TCF20: variants seen among roughly 807,000 people sequenced by gnomAD.
TCF20 encodes the protein transcription factor 20, also known as SPRE-binding protein.
In TCF20, 3 loss-of-function variants were observed where a neutral mutation model predicts 148.6. That is an observed-to-expected ratio of 0.02 (90% CI 0.01 to 0.05). TCF20 has a LOEUF of 0.05. TCF20 is among the 10% of genes least tolerant of loss of function. The pLI is 1.00. For missense variants in TCF20, 2,350 were observed against 2,429.3 expected (o/e 0.97, Z 0.69); for synonymous variants, 1,049 against 909.5 (o/e 1.15, Z -2.76).
Position 42,214,870 on chromosome 22 carries a change from G to A in TCF20, c.436C>T (p.Leu146Phe), listed in dbSNP as rs752748771. The change falls in exon 2 of 6, where the codon CTT becomes TTT. Residue 146 changes from leucine (L) to phenylalanine (F), a missense_variant. By Grantham distance (22) the Leu-to-Phe change is conservative (BLOSUM62 0). Around this residue, in one of 7 missense-constraint regions of TCF20, gnomAD observed 1,641 missense variants for 1,662.6 expected, o/e 0.99. Coordinates refer to ENST00000677622, the MANE Select transcript of TCF20 (RefSeq NM_001378418.1). Reference protein sequence around the residue: ...VGQFQAQHSGLGGVSHYQQDY... With the variant: ...VGQFQAQHSGFGGVSHYQQDY... ...TGCTGATAATGTGACACACCGCCAA[G>A]GCCAGAGTGCTGTGCTTGAAACTGG... The A allele has an allele frequency of 6.2e-7, 1 of 1,614,188 alleles. No individual in the cohort carries two copies. The highest frequency in any genetic ancestry group is 2.2e-5 in the East Asian group (1 of 44,888).
chr22:42,180,422 G>GGA (rs936606313), intron 2 of TCF20, among the ~76,000 whole-genome samples: 2 of 152,116 alleles, frequency 1.3e-5, no homozygotes, highest in Non-Finnish European at 2.9e-5. Context: ...ATCTCTGTCA[G>GGA]CCCTGTGATG....
At chr22:42,200,031 G>T (rs190580688) in intron 2 of TCF20, among the ~76,000 whole-genome samples, 1 of 151,642 alleles carries the variant, frequency 6.6e-6, no homozygotes, top group East Asian at 1.9e-4. Flanking sequence ...TTTCAATTTG[G>T]ATTTAAAAAT....
rs149094217 is a variant in TCF20, at chr22:42,315,363, A to G, written c.-37+28116T>C. 1.8e-3 allele frequency among the ~76,000 whole-genome samples: 268 copies of G among 152,334 alleles called. 1 individual carries two copies. The highest frequency in any genetic ancestry group is 6.1e-3 in the African/African-American group (254 of 41,574). Reference sequence around the variant, plus strand: ...TGGCAGGTGGGCTGCAGGTGAGGACAGGCTCAGAGAGGAAGGACTCTCTGA... The same window carrying G: ...TGGCAGGTGGGCTGCAGGTGAGGACGGGCTCAGAGAGGAAGGACTCTCTGA... On this transcript the variant is annotated intron_variant, in intron 1 of 1. Coordinates refer to the TCF20 transcript ENST00000515426.
intron 2 of TCF20, among the ~76,000 whole-genome samples, chr22:42,202,259 C>T (rs563251495): frequency 4.6e-5 from 7 of 152,190 alleles, no homozygotes; most frequent in Non-Finnish European, 8.8e-5. Flanking sequence ...CATCTGAGGG[C>T]GGTCACCAGT....
Position 42,312,205 on chromosome 22 carries a change from AAGC to A in TCF20, c.-37+31271_-37+31273del, listed in dbSNP as rs553911795. ...TGCCATCATGGATGAGTGAATGAGTAAGCAGCTGTGGGGATTACAGCAGCAAGG... is the reference window on the plus strand; with the variant it reads ...TGCCATCATGGATGAGTGAATGAGTAAGCTGTGGGGATTACAGCAGCAAGG... On this transcript the variant is annotated intron_variant, in intron 1 of 1. Coordinates refer to the TCF20 transcript ENST00000515426. 2.8e-3 allele frequency among the ~76,000 whole-genome samples: 429 copies of A among 152,322 alleles called. 1 individual carries two copies. Among genetic ancestry groups the A allele is most frequent in the Non-Finnish European group, 5.2e-3 (354 of 68,016 alleles).
At chr22:42,208,084 G>A (rs1938512417) in intron 2 of TCF20, among the ~76,000 whole-genome samples, 1 of 151,718 alleles carries the variant, frequency 6.6e-6, no homozygotes, top group African/African-American at 2.4e-5. Context: ...CCAGCTACTT[G>A]GGAGGATCCC....
chr22:42,246,237 T>C (rs1192136186), intron 1 of TCF20, among the ~76,000 whole-genome samples: 2 of 152,222 alleles, frequency 1.3e-5, no homozygotes, highest in Non-Finnish European at 2.9e-5. Context: ...TCCGTGTAGC[T>C]GGCGTTACAG....
chr22:42,227,425 A>G (rs1395585378), intron 1 of TCF20, among the ~76,000 whole-genome samples: 1 of 152,236 alleles, frequency 6.6e-6, no homozygotes, highest in Non-Finnish European at 1.5e-5. Flanking sequence ...CTTTGAGAGC[A>G]GGCTGAAGGC....
At chr22:42,215,570 A>G (rs1921681825) in intron 1 of TCF20, 1 of 493,194 alleles carries the variant, frequency 2.0e-6, no homozygotes, top group African/African-American at 2.0e-5. Context: ...TGCAGGGTTC[A>G]AGCAATTCTC....
intron 1 of TCF20, among the ~76,000 whole-genome samples, chr22:42,218,819 G>GTTA (rs67613113): frequency 1.3e-5 from 2 of 151,498 alleles, no homozygotes; most frequent in East Asian, 3.9e-4. Flanking sequence ...TCTTAGGTCT[G>GTTA]TTCTCAGCCT....
In TCF20 at chr22:42,210,626, G is replaced by C; in HGVS notation, c.4680C>G (p.Pro1560=). The change falls in exon 2 of 6, where the codon CCC becomes CCG. Residue 1560 remains proline (P), a synonymous_variant. Coordinates refer to ENST00000677622, the MANE Select transcript of TCF20 (RefSeq NM_001378418.1). The surrounding 1 kb of genome is among the most constrained non-coding windows in gnomAD (Gnocchi z 4.7). ...CTTCTGGTATCTGTGGGGGCTGAGGGGGTGGAGGCGGTGGCTGCTGCTGTT... is the reference window on the plus strand; with the variant it reads ...CTTCTGGTATCTGTGGGGGCTGAGGCGGTGGAGGCGGTGGCTGCTGCTGTT... ...QKKQQQPPPP[P]PQPPQIPEGS... is the part of the protein sequence containing the mutation. 1 of 1,614,164 alleles carries C rather than the reference G, an allele frequency of 6.2e-7. No individual in the cohort carries two copies. Among genetic ancestry groups the C allele is most frequent in the Non-Finnish European group, 8.5e-7 (1 of 1,180,020 alleles).
chr22:42,212,947 T>C lies in TCF20; in HGVS notation c.2359A>G (p.Arg787Gly). 1 of 1,614,210 alleles carries C rather than the reference T, an allele frequency of 6.2e-7. No homozygotes were observed. The highest frequency in any genetic ancestry group is 8.5e-7 in the Non-Finnish European group (1 of 1,180,034). ...GMAGSLEGTT[R>G]PNVLVSQTNE... ...GTTTGACTAACCAAGACATTGGGCC[T>C]TGTGGTTCCTTCTAGGCTACCAGCC... Residue 787 changes from arginine (R) to glycine (G), a missense_variant, in exon 2 of 6, where the codon AGG (arginine) becomes GGG (glycine). Physicochemically the swap from Arg to Gly is moderately radical, Grantham distance 125. Around this residue, in one of 7 missense-constraint regions of TCF20, gnomAD observed 1,641 missense variants for 1,662.6 expected, o/e 0.99. Coordinates refer to ENST00000677622, the MANE Select transcript of TCF20 (RefSeq NM_001378418.1).
At chr22:42,301,589 G>A (rs1927337365) in intron 1 of TCF20, among the ~76,000 whole-genome samples, 1 of 152,258 alleles carries the variant, frequency 6.6e-6, no homozygotes, top group African/African-American at 2.4e-5. Flanking sequence ...AGGCGGAGGT[G>A]TCTGCAAGAG....
At chr22:42,302,185 G>A (rs1030894693) in intron 1 of TCF20, among the ~76,000 whole-genome samples, 30 of 152,172 alleles carry the variant, frequency 2.0e-4, no homozygotes, top group African/African-American at 6.0e-4. Context: ...GGCACTATCG[G>A]GTGTTGAGTC....
intron 1 of TCF20, chr22:42,276,579 T>C (rs1056035227): frequency 2.0e-5 from 3 of 152,200 alleles, no homozygotes; most frequent in Non-Finnish European, 4.4e-5. Flanking sequence ...GGGCCACTTA[T>C]TAATAGAAGG....
intron 2 of TCF20, among the ~76,000 whole-genome samples, chr22:42,199,863 A>C (rs1007070048): frequency 6.7e-6 from 1 of 150,320 alleles, no homozygotes; most frequent in African/African-American, 2.4e-5. Flanking sequence ...AAAAAAGCCC[A>C]AACAGCAAGT....
intron 1 of TCF20, among the ~76,000 whole-genome samples, chr22:42,331,713 C>A (rs1024279577): frequency 6.6e-6 from 1 of 152,242 alleles, no homozygotes; most frequent in Non-Finnish European, 1.5e-5. Flanking sequence ...CTGCCAGGCA[C>A]TGGGGGTGGT....
At chr22:42,225,416 C>T (rs1922788999) in intron 1 of TCF20, among the ~76,000 whole-genome samples, 1 of 150,810 alleles carries the variant, frequency 6.6e-6, no homozygotes, top group South Asian at 2.1e-4. Context: ...AGATCGAGAC[C>T]ATCCTGGCTA....
intron 2 of TCF20, among the ~76,000 whole-genome samples, chr22:42,202,065 A>C (rs1938068333): frequency 6.6e-6 from 1 of 152,178 alleles, no homozygotes; most frequent in Admixed American, 6.5e-5. Flanking sequence ...GTTTCCAACA[A>C]GAGTAAAAAG....
Sources: allele counts gnomAD v4.1 joint callset (sites outside exome capture counted in the v4.1 genomes callset), GRCh38; gene constraint gnomAD v4.1.1; regional missense constraint gnomAD v4.1.1; non-coding constraint Gnocchi (gnomAD v3.1); transcripts MANE v1.5; gene names NCBI Gene and HGNC (gene_info 2026-07-23, HGNC 2026-07-21).